SRSF1: variants seen among roughly 807,000 people sequenced by gnomAD.
SRSF1 encodes serine/arginine-rich splicing factor 1.
SRSF1 carries 1 observed loss-of-function variant against 25.9 expected under a neutral mutation model. The ratio of observed to expected loss-of-function variants is 0.04; its 90% CI spans 0.01 to 0.18. SRSF1 has a LOEUF of 0.18. Ranked by LOEUF, SRSF1 falls within the 10% of genes least tolerant of loss-of-function variation. SRSF1 has a pLI of 1.00. For synonymous variants in SRSF1, 132 were observed against 126.2 expected (o/e 1.05, Z -0.31); for missense variants, 65 against 350.5 (o/e 0.19, Z 6.50).
rs2075398066 is a variant in SRSF1 at position 58,002,409 on chromosome 17, T to A, written c.*2997A>T. Among the ~76,000 whole-genome samples, 1 of 152,220 alleles carries A rather than the reference T, an allele frequency of 6.6e-6. No homozygotes were observed. The highest frequency in any genetic ancestry group is 2.1e-4 in the South Asian group (1 of 4,834). On this transcript the variant is annotated 3_prime_UTR_variant, in exon 4 of 4. Coordinates refer to ENST00000258962, the MANE Select transcript of SRSF1 (RefSeq NM_006924.5). ...TTAATTGTCACCCAAATAATCACCTTAAATTCAACTTCCAACTATGATTAG... is the reference window on the plus strand; with the variant it reads ...TTAATTGTCACCCAAATAATCACCTAAAATTCAACTTCCAACTATGATTAG...
chr17:58,006,123 C>G, intron 2 of SRSF1, 150 bp from the exon 3 acceptor site: 1 of 975,458 alleles, frequency 1.0e-6, no homozygotes, highest in Non-Finnish European at 1.5e-6. Flanking sequence ...ATTCTGGAAT[C>G]CAGAGTCCAA....
the SRSF1 span, chr17:57,991,552 C>T: frequency 1.3e-5 from 2 of 152,088 alleles, no homozygotes; most frequent in African/African-American, 4.8e-5. Context: ...TTTAGAAATA[C>T]CAAAAAGTAT....
downstream of SRSF1, among the ~76,000 whole-genome samples, chr17:57,996,608 T>C (rs573881867): frequency 4.6e-5 from 7 of 152,128 alleles, no homozygotes; most frequent in Admixed American, 6.5e-5. Flanking sequence ...TATAGCACTT[T>C]TTAAAACATG....
At chr17:57,991,481 T>C in the SRSF1 span, 1 of 152,144 alleles carries the variant, frequency 6.6e-6, no homozygotes, top group African/African-American at 2.4e-5. Context: ...ACCAACTCTT[T>C]ATGCAAAAAA....
At chr17:57,997,699 TG>T (rs1183221485), downstream of SRSF1, among the ~76,000 whole-genome samples, 3 of 152,138 alleles carry the variant, frequency 2.0e-5, no homozygotes, top group Non-Finnish European at 4.4e-5. Flanking sequence ...CAACTGGAGA[TG>T]GGAAGACAAA....
downstream of SRSF1, among the ~76,000 whole-genome samples, chr17:57,998,758 G>A (rs531191215): frequency 7.2e-5 from 11 of 152,250 alleles, no homozygotes; most frequent in African/African-American, 2.6e-4. Context: ...TCTCTACTGT[G>A]TAAACTTGAT....
At chr17:57,989,790 G>A in the SRSF1 span, 13 of 398,486 alleles carry the variant, frequency 3.3e-5, no homozygotes, top group Admixed American at 2.6e-4. Context: ...TCAGGGAACC[G>A]GTCAGCCTAA....
the SRSF1 span, chr17:57,990,053 C>A: frequency 3.4e-6 from 1 of 294,392 alleles, no homozygotes; most frequent in Non-Finnish European, 6.2e-6. Context: ...TCCTCCTTCC[C>A]TGCATAGTCT....
chr17:57,990,599 CCAAA>C, the SRSF1 span: 11 of 152,094 alleles, frequency 7.2e-5, no homozygotes, highest in Non-Finnish European at 1.5e-4. Context: ...ATTTCTCTAA[CCAAA>C]CAAAAAGGAG....
In SRSF1 at chr17:58,003,384, G is replaced by T. The variant is rs1224096959; in HGVS notation, c.*2022C>A. 1 of 152,148 alleles carries T rather than the reference G, an allele frequency of 6.6e-6. No individual in the cohort carries two copies. Among genetic ancestry groups the T allele is most frequent in the Non-Finnish European group, 1.5e-5 (1 of 68,036 alleles). The allele number at this position is 152,148 out of a possible 1,614,324, so 9.4% of individuals were successfully genotyped here. ...ATTGCCTTTTAAGAACTTTTAATTTGCTAACACATTAACACAAGAGTCAAA... is the reference window on the plus strand; with the variant it reads ...ATTGCCTTTTAAGAACTTTTAATTTTCTAACACATTAACACAAGAGTCAAA... On this transcript the variant is annotated 3_prime_UTR_variant, in exon 4 of 4. Transcript: ENST00000258962.
At chr17:58,000,843 G>C (rs2075384618), downstream of SRSF1, among the ~76,000 whole-genome samples, 1 of 152,164 alleles carries the variant, frequency 6.6e-6, no homozygotes, top group Non-Finnish European at 1.5e-5. Flanking sequence ...AGCAAAGTCT[G>C]TGGCAACTGT....
the SRSF1 span, chr17:57,990,362 A>G: frequency 6.6e-6 from 1 of 152,184 alleles, no homozygotes; most frequent in Non-Finnish European, 1.5e-5. Context: ...TCCATAAGAC[A>G]AAATCAGAAT....
Position 58,004,798 on chromosome 17 carries a change from G to A in SRSF1, c.*608C>T. On this transcript the variant is annotated 3_prime_UTR_variant, in exon 4 of 4. Coordinates refer to ENST00000258962, the MANE Select transcript of SRSF1 (RefSeq NM_006924.5). The stretch of plus-strand genomic sequence containing the variant: ...AAAAAGCAAAGCAATTGTAGCTAAA[G>A]ACAACTGAATAAAATGTTTGCAAGT... 2.5e-6 allele frequency: 1 copy of A among 395,616 alleles called. No homozygotes were observed. The highest frequency in any genetic ancestry group is 1.4e-4 in the South Asian group (1 of 7,014). The allele number at this position is 395,616 out of a possible 1,614,324, so 24.5% of individuals were successfully genotyped here. A position where few individuals can be genotyped will look rare whatever the true frequency, so the allele number is the denominator to read the frequency against.
the SRSF1 span, among the ~76,000 whole-genome samples, chr17:57,995,669 C>T: frequency 9.9e-5 from 15 of 152,220 alleles, no homozygotes; most frequent in Non-Finnish European, 2.1e-4. Flanking sequence ...TCAGACTTTT[C>T]TCCCCGAGGC....
At chr17:57,999,037 AAATTTTCAGT>A (rs971250206), downstream of SRSF1, among the ~76,000 whole-genome samples, 12 of 152,304 alleles carry the variant, frequency 7.9e-5, no homozygotes, top group African/African-American at 2.9e-4. Flanking sequence ...TAAAAGTGTT[AAATTTTCAGT>A]AATTTTCAGC....
chr17:57,998,278 G>C (rs549364995), downstream of SRSF1, among the ~76,000 whole-genome samples: 4 of 152,170 alleles, frequency 2.6e-5, no homozygotes, highest in Non-Finnish European at 5.9e-5. Context: ...TTCTACCACC[G>C]TTAAGGGTAG....
chr17:58,006,197 A>G, intron 2 of SRSF1, 146 bp downstream of exon 2: 1 of 1,104,846 alleles, frequency 9.1e-7, no homozygotes, highest in South Asian at 1.6e-5. Context: ...CCACAGCAGC[A>G]ATCCTCGTTT....
chr17:57,997,985 C>A (rs923552749), downstream of SRSF1, among the ~76,000 whole-genome samples: 2 of 152,094 alleles, frequency 1.3e-5, no homozygotes, highest in African/African-American at 4.8e-5. Flanking sequence ...GAGGCCGAGG[C>A]GGGCGGATCA....
chr17:57,989,707 G>C, the SRSF1 span: 2 of 398,524 alleles, frequency 5.0e-6, no homozygotes, highest in Non-Finnish European at 8.8e-6. Flanking sequence ...TTCCCCATTG[G>C]ATACTGCCTG....
Sources: gnomAD v4.1 joint callset for allele counts (sites outside exome capture counted in the v4.1 genomes callset) on GRCh38, gnomAD v4.1.1 for gene constraint, MANE v1.5 for transcripts, NCBI Gene and HGNC (gene_info 2026-07-23, HGNC 2026-07-21) for gene names.